GATAD2A: variants seen among roughly 807,000 people sequenced by gnomAD.
The protein encoded by GATAD2A is GATA zinc finger domain containing 2A, also known as transcriptional repressor p66-alpha.
GATAD2A carries 12 observed loss-of-function variants against 68.5 expected under a neutral mutation model. The observed-to-expected ratio is 0.18, with a 90% CI of 0.11 to 0.28. GATAD2A has a LOEUF of 0.28. GATAD2A is among the 10% of genes least tolerant of loss of function. The pLI is 1.00. For synonymous variants in GATAD2A, 410 were observed against 375.3 expected, an observed-to-expected ratio of 1.09 and a Z score of -1.07; for missense variants, 755 against 868.5, an observed-to-expected ratio of 0.87 and a Z score of 1.64.
chr19:19,405,459 A>C (rs1600012929), upstream of GATAD2A, among the ~76,000 whole-genome samples: 1 of 152,098 alleles, frequency 6.6e-6, no homozygotes, highest in East Asian at 1.9e-4. Flanking sequence ...CGGCCTGCGG[A>C]GGGCGCTGGG....
chr19:19,405,398 C>T (rs2050098686), upstream of GATAD2A, among the ~76,000 whole-genome samples: 1 of 152,230 alleles, frequency 6.6e-6, no homozygotes, highest in Non-Finnish European at 1.5e-5. Context: ...GTGAGTCAGC[C>T]TTGGGTGCGG....
chr19:19,489,127 G>A (rs1022111776), intron 2 of GATAD2A, among the ~76,000 whole-genome samples: 5 of 152,222 alleles, frequency 3.3e-5, no homozygotes, highest in African/African-American at 1.2e-4. Flanking sequence ...TTTAAAAAGT[G>A]AGCTTAACAA....
chr19:19,503,336 G>A (rs1050963390), intron 11 of GATAD2A, among the ~76,000 whole-genome samples: 2 of 152,126 alleles, frequency 1.3e-5, no homozygotes, highest in African/African-American at 4.8e-5. Flanking sequence ...GCAGAGTGGT[G>A]GGGGGAGCCT....
chr19:19,436,430 T>C (rs140716143), intron 1 of GATAD2A, among the ~76,000 whole-genome samples: 1 of 152,342 alleles, frequency 6.6e-6, no homozygotes, highest in East Asian at 1.9e-4. Context: ...GAAACCATTC[T>C]GATTGGTCAT....
chr19:19,408,170 A>G (rs1422643081), intron 1 of GATAD2A, among the ~76,000 whole-genome samples: 3 of 152,124 alleles, frequency 2.0e-5, no homozygotes, highest in Non-Finnish European at 4.4e-5. Flanking sequence ...TATTTTTAGT[A>G]GAGACGGGGT....
At chr19:19,437,330 G>A (rs1466584562) in intron 1 of GATAD2A, among the ~76,000 whole-genome samples, 1 of 152,114 alleles carries the variant, frequency 6.6e-6, no homozygotes. Flanking sequence ...GGAGTTTGCT[G>A]TGTTGCCCAA....
intron 1 of GATAD2A, among the ~76,000 whole-genome samples, chr19:19,428,738 A>G (rs1458476185): frequency 6.6e-6 from 1 of 152,144 alleles, no homozygotes; most frequent in Admixed American, 6.6e-5. Flanking sequence ...AGCCTCTGCC[A>G]TAAGAAAGGA....
chr19:19,446,418 A>G (rs2055725388), intron 1 of GATAD2A, among the ~76,000 whole-genome samples: 1 of 148,834 alleles, frequency 6.7e-6, no homozygotes, highest in African/African-American at 2.5e-5. Flanking sequence ...GATCCTTCAT[A>G]TGTTCTGGAC....
At chr19:19,385,850 G>C (rs1183936338) in exon 1 of GATAD2A, 2 of 151,986 alleles carry the variant, frequency 1.3e-5, no homozygotes, top group Non-Finnish European at 2.9e-5. Context: ...TTCAGTGTGA[G>C]ACTGAGCCGC....
At chr19:19,483,950 A>G (rs1199438130) in intron 2 of GATAD2A, among the ~76,000 whole-genome samples, 1 of 152,048 alleles carries the variant, frequency 6.6e-6, no homozygotes, top group Non-Finnish European at 1.5e-5. Flanking sequence ...TTTGGGGCAC[A>G]GCCTGTGTCT....
At chr19:19,441,722 G>T in intron 1 of GATAD2A, 1 of 170,394 alleles carries the variant, frequency 5.9e-6, no homozygotes. Context: ...CTGCCACAAC[G>T]CCCGGCTAAT....
At chr19:19,428,629 C>T (rs1309785658) in intron 1 of GATAD2A, among the ~76,000 whole-genome samples, 1 of 152,184 alleles carries the variant, frequency 6.6e-6, no homozygotes, top group Non-Finnish European at 1.5e-5. Flanking sequence ...CCTGGAGTGC[C>T]AGGGAGCGAG....
chr19:19,450,007 C>T (rs533028899), intron 1 of GATAD2A, among the ~76,000 whole-genome samples: 3 of 152,134 alleles, frequency 2.0e-5, no homozygotes, highest in Non-Finnish European at 4.4e-5. Flanking sequence ...CCAGGCTGGT[C>T]TTGAGCTCTT....
chr19:19,503,495 A>G (rs1176651172), intron 11 of GATAD2A, among the ~76,000 whole-genome samples: 1 of 152,266 alleles, frequency 6.6e-6, no homozygotes, highest in Non-Finnish European at 1.5e-5. Flanking sequence ...CAAACCAGCC[A>G]GCCAGACGTT....
At chr19:19,429,193 T>C in intron 1 of GATAD2A, 1 of 985,178 alleles carries the variant, frequency 1.0e-6, no homozygotes, top group Non-Finnish European at 1.2e-6. Context: ...AGTGGGATGC[T>C]CGATTTCAAG....
intron 1 of GATAD2A, among the ~76,000 whole-genome samples, chr19:19,430,728 CGCAACCCCA>C (rs1018480761): frequency 1.4e-4 from 22 of 152,280 alleles, no homozygotes; most frequent in Admixed American, 5.9e-4. Flanking sequence ...CCATGGGTGC[CGCAACCCCA>C]GCAACCCCAT....
intron 1 of GATAD2A, among the ~76,000 whole-genome samples, chr19:19,416,682 G>A (rs1234274010): frequency 6.6e-6 from 1 of 151,938 alleles, no homozygotes; most frequent in Non-Finnish European, 1.5e-5. Context: ...TACTTAAATT[G>A]CTTGGAAAAA....
At chr19:19,453,462 T>C (rs1034122633) in intron 1 of GATAD2A, among the ~76,000 whole-genome samples, 2 of 152,086 alleles carry the variant, frequency 1.3e-5, no homozygotes, top group Non-Finnish European at 2.9e-5. Flanking sequence ...TAACCTTGAG[T>C]CCTTGCTCTG....
chr19:19,504,617 G>A (rs949679555), intron 11 of GATAD2A, among the ~76,000 whole-genome samples: 1 of 151,682 alleles, frequency 6.6e-6, no homozygotes, highest in Non-Finnish European at 1.5e-5. Flanking sequence ...CAACACTTGA[G>A]GGTAGGAGAT....
Sources: gnomAD v4.1 joint callset for allele counts (sites outside exome capture counted in the v4.1 genomes callset) on GRCh38, gnomAD v4.1.1 for gene constraint, MANE v1.5 for transcripts, NCBI Gene and HGNC (gene_info 2026-07-23, HGNC 2026-07-21) for gene names.